Variants in CLCN4 observed in about 807,000 individuals in gnomAD.
CLCN4 encodes the protein H(+)/Cl(-) exchange transporter 4.
In CLCN4, 1 loss-of-function variant was observed where a neutral mutation model predicts 41.7. The observed-to-expected ratio is 0.02, with a 90% confidence interval of 0.01 to 0.11. CLCN4 has a LOEUF of 0.11. Ranked by LOEUF, CLCN4 falls within the 10% of genes least tolerant of loss-of-function variation. The pLI is 1.00. For synonymous variants in CLCN4, 277 were observed against 285.8 expected (o/e 0.97, Z 0.31); for missense variants, 287 against 661.0 (o/e 0.43, Z 6.20).
chrX:10,209,393 G>A (rs191670337), intron 9 of CLCN4, among the ~76,000 whole-genome samples: 9 of 69,672 alleles, frequency 1.3e-4, no homozygotes, highest in East Asian at 1.1e-3. Context: ...CCTTCCTTTC[G>A]TCTTGTTCCC....
At chrX:10,159,974 T>C (rs1240304107) in intron 2 of CLCN4, among the ~76,000 whole-genome samples, 1 of 110,933 alleles carries the variant, frequency 9.0e-6, no homozygotes, top group African/African-American at 3.3e-5. Context: ...TCAGGGTGTC[T>C]CAACCTTGGC....
chrX:10,194,870 A>G, intron 4 of CLCN4, 41 bp from the exon 5 acceptor site: 1 of 1,188,226 alleles, frequency 8.4e-7, no homozygotes, highest in South Asian at 1.8e-5. Flanking sequence ...TTGTCGCATC[A>G]TGGGGCGATT....
At chrX:10,179,364 A>G (rs1321154317) in intron 2 of CLCN4, among the ~76,000 whole-genome samples, 5 of 111,599 alleles carry the variant, frequency 4.5e-5, no homozygotes, top group Non-Finnish European at 9.4e-5. Flanking sequence ...ACACACCCAT[A>G]CTTGGGAGTC....
At chrX:10,209,506 G>A (rs1924491052) in intron 9 of CLCN4, among the ~76,000 whole-genome samples, 1 of 108,974 alleles carries the variant, frequency 9.2e-6, no homozygotes, top group South Asian at 4.1e-4. Context: ...GATCATAGGC[G>A]TGAACCACCA....
intron 12 of CLCN4, among the ~76,000 whole-genome samples, chrX:10,227,714 G>T (rs901305730): frequency 8.9e-6 from 1 of 111,815 alleles, no homozygotes; most frequent in African/African-American, 3.3e-5. Flanking sequence ...TGTCTCTGTG[G>T]ACTTGCCTAT....
chrX:10,228,065 A>G (rs1925033574), intron 12 of CLCN4, among the ~76,000 whole-genome samples: 1 of 111,357 alleles, frequency 9.0e-6, no homozygotes, highest in Non-Finnish European at 1.9e-5. Flanking sequence ...CCAGCACCTC[A>G]AGCATTTATC....
chrX:10,198,733 G>T (rs773155242), intron 6 of CLCN4, among the ~76,000 whole-genome samples: 1 of 112,475 alleles, frequency 8.9e-6, no homozygotes, highest in South Asian at 3.6e-4. Flanking sequence ...TGAAACCTAT[G>T]AGGACCTACT....
chrX:10,170,040 G>A (rs1251845174), intron 2 of CLCN4, among the ~76,000 whole-genome samples: 1 of 110,865 alleles, frequency 9.0e-6, no homozygotes, highest in Non-Finnish European at 1.9e-5. Context: ...CACCTGCCTC[G>A]GCCTCCCAAA....
chrX:10,181,489 G>A lies in CLCN4; in HGVS notation c.-11-3533G>A, dbSNP rs183265004. Among the ~76,000 whole-genome samples, 10 of 112,367 alleles carry A rather than the reference G, an allele frequency of 8.9e-5. No individual in the cohort carries two copies. The East Asian group carries it at 2.5e-3, about 28-fold the overall frequency. On this transcript the variant is annotated intron_variant, in intron 2 of 12. Transcript: ENST00000380833. ...CCACAGATAGGGTGAAACAGAACAGGGTTCTGCAGTGTGAATAGGAGCTTT... is the reference window on the plus strand; with the variant it reads ...CCACAGATAGGGTGAAACAGAACAGAGTTCTGCAGTGTGAATAGGAGCTTT...
At chrX:10,207,410 T>C (rs930381952) in intron 8 of CLCN4, among the ~76,000 whole-genome samples, 3 of 112,109 alleles carry the variant, frequency 2.7e-5, no homozygotes, top group Non-Finnish European at 3.8e-5. Context: ...GTTTTTGGTT[T>C]TGTGGGCCAT....
chrX:10,158,741 C>T (rs891334779), intron 2 of CLCN4, among the ~76,000 whole-genome samples, 190 bp downstream of exon 2: 19 of 113,427 alleles, frequency 1.7e-4, no homozygotes, highest in Non-Finnish European at 3.0e-4. Context: ...CGGGGATGGC[C>T]CGTGGCAGGC....
intron 8 of CLCN4, 86 bp downstream of exon 8, chrX:10,206,862 C>A: frequency 1.5e-6 from 1 of 646,579 alleles, no homozygotes; most frequent in Non-Finnish European, 2.3e-6. Context: ...GGATAAGATT[C>A]CGGCAGTTAA....
rs1486536384 is a variant in CLCN4, at chrX:10,235,248, G to C, written c.*1664G>C. The C allele has an allele frequency of 4.5e-5, 5 of 112,323 alleles. No homozygotes were observed. Among genetic ancestry groups the C allele is most frequent in the Non-Finnish European group, 9.4e-5 (5 of 53,205 alleles). 9.3% of individuals were successfully genotyped at this position (112,323 alleles called of 1,213,427 possible). On this transcript the variant is annotated 3_prime_UTR_variant, in exon 13 of 13. Coordinates refer to ENST00000380833, the MANE Select transcript of CLCN4 (RefSeq NM_001830.4). ...CTTTCTAAGTGGGAAGAGGAAGGGA[G>C]AGGCAAGCAACTAGGTACAATGTCT...
chrX:10,164,784 G>A (rs5933811), intron 2 of CLCN4, among the ~76,000 whole-genome samples: 16,215 of 111,538 alleles, frequency 0.15, 1,081 homozygotes, highest in South Asian at 0.29. Context: ...TTTGATGGGC[G>A]GTGGCCTCCC....
At chrX:10,205,999 A>T (rs1924378387) in intron 6 of CLCN4, among the ~76,000 whole-genome samples, 1 of 110,561 alleles carries the variant, frequency 9.0e-6, no homozygotes, top group African/African-American at 3.3e-5. Context: ...AATCTAGGAT[A>T]TATTTCAGAG....
chrX:10,200,691 C>A (rs971918752), intron 6 of CLCN4, among the ~76,000 whole-genome samples: 1 of 111,699 alleles, frequency 9.0e-6, no homozygotes, highest in African/African-American at 3.3e-5. Context: ...GGATTTGTTT[C>A]TTTTCTTTTC....
rs997956583 is a variant in CLCN4, at chrX:10,162,175, C to T, written c.-12+3624C>T. On this transcript the variant is annotated intron_variant, in intron 2 of 12. Coordinates refer to ENST00000380833, the MANE Select transcript of CLCN4 (RefSeq NM_001830.4). Reference sequence around the variant, plus strand: ...CTAGGAATACAGGGACACGCCACCACGGCTGGCTAATTTTTGTATTTTTAG... The same window carrying T: ...CTAGGAATACAGGGACACGCCACCATGGCTGGCTAATTTTTGTATTTTTAG... 3.6e-5 allele frequency among the ~76,000 whole-genome samples: 4 copies of T among 110,593 alleles called. No homozygotes were observed. In the South Asian group the frequency reaches 1.2e-3, roughly 32 times the overall value.
intron 6 of CLCN4, 69 bp from the exon 7 acceptor site, chrX:10,206,289 A>C: frequency 1.2e-6 from 1 of 806,753 alleles, no homozygotes; most frequent in Non-Finnish European, 1.9e-6. Flanking sequence ...TCTCAGAGGA[A>C]TTATAGCTCT....
intron 6 of CLCN4, among the ~76,000 whole-genome samples, chrX:10,199,283 A>G (rs1157554467): frequency 8.9e-6 from 1 of 112,436 alleles, no homozygotes; most frequent in African/African-American, 3.2e-5. Context: ...TAGGGGCACA[A>G]TACACAAAAC....
Sources: gnomAD v4.1 joint callset for allele counts (sites outside exome capture counted in the v4.1 genomes callset) on GRCh38, gnomAD v4.1.1 for gene constraint, MANE v1.5 for transcripts, NCBI Gene and HGNC (gene_info 2026-07-23, HGNC 2026-07-21) for gene names.